The following BCAS3 variants were observed in gnomAD, a reference collection of about 807,000 sequenced individuals.
BCAS3 encodes the protein BCAS3 microtubule associated cell migration factor, also known as BCAS4/BCAS3 fusion.
A neutral mutation model predicts 116.1 loss-of-function variants in BCAS3; 53 were observed. The observed-to-expected ratio is 0.46, with a 90% confidence interval of 0.37 to 0.57. The LOEUF is 0.57. BCAS3 is among the 20% of genes least tolerant of loss of function. BCAS3 has a pLI of 0.00. For missense variants in BCAS3, 917 were observed against 1,165.4 expected (o/e 0.79, Z 3.10); for synonymous variants, 391 against 408.2 (o/e 0.96, Z 0.51).
At chr17:60,921,634 A>C (rs1251117168) in intron 12 of BCAS3, among the ~76,000 whole-genome samples, 1 of 151,180 alleles carries the variant, frequency 6.6e-6, no homozygotes, top group Non-Finnish European at 1.5e-5. Context: ...AAAAAAAAAA[A>C]AACATTGACC....
Position 61,364,896 on chromosome 17 carries a change from C to A in BCAS3, c.2426-3431C>A, listed in dbSNP as rs952233283. Among the ~76,000 whole-genome samples, 1 of 152,154 alleles carries A rather than the reference C, an allele frequency of 6.6e-6. No individual in the cohort carries two copies. Among genetic ancestry groups the A allele is most frequent in the Non-Finnish European group, 1.5e-5 (1 of 68,034 alleles). On this transcript the variant is annotated intron_variant, in intron 22 of 23. Transcript: ENST00000407086. This position sits in a 1 kb window ranked among gnomAD's most constrained non-coding sequence, Gnocchi z 5.4. Reference sequence around the variant, plus strand: ...CACCACCATAAATGGGGGATAGTACCTCTACGACCTCTCAGGATCATTATG... The same window carrying A: ...CACCACCATAAATGGGGGATAGTACATCTACGACCTCTCAGGATCATTATG...
At chr17:60,963,995 A>G (rs2145318110) in intron 14 of BCAS3, among the ~76,000 whole-genome samples, 1 of 152,256 alleles carries the variant, frequency 6.6e-6, no homozygotes, top group Non-Finnish European at 1.5e-5. Context: ...GCTGATTTGA[A>G]TTCTTCCTTT....
chr17:61,005,409 T>C (rs2064599892), intron 15 of BCAS3, among the ~76,000 whole-genome samples: 1 of 152,134 alleles, frequency 6.6e-6, no homozygotes, highest in Non-Finnish European at 1.5e-5. Flanking sequence ...GATATTTAAA[T>C]GTTTTAAAAC....
intron 22 of BCAS3, among the ~76,000 whole-genome samples, chr17:61,112,732 C>A (rs1268876464): frequency 6.7e-6 from 1 of 150,002 alleles, no homozygotes; most frequent in Non-Finnish European, 1.5e-5. Flanking sequence ...CTGCACCAAG[C>A]GGACCTAATA....
chr17:60,692,949 TA>T (rs1416831904), intron 4 of BCAS3, among the ~76,000 whole-genome samples: 3 of 151,882 alleles, frequency 2.0e-5, no homozygotes, highest in African/African-American at 7.3e-5. Flanking sequence ...ACTAAGTTGT[TA>T]TCTGACCTTA....
At chr17:60,979,496 T>C (rs9909801) in intron 14 of BCAS3, among the ~76,000 whole-genome samples, 140,498 of 144,552 alleles carry the variant, frequency 0.97, 68,300 homozygotes, top group East Asian at 1. Flanking sequence ...TTTCCTTCTC[T>C]TGCCTAATTG....
At chr17:60,896,836 T>C (rs950330998) in intron 10 of BCAS3, among the ~76,000 whole-genome samples, 1 of 152,214 alleles carries the variant, frequency 6.6e-6, no homozygotes, top group African/African-American at 2.4e-5. Context: ...AAAGTCATTA[T>C]TAATATGTGA....
At chr17:60,972,513 A>G (rs1442064700) in intron 14 of BCAS3, among the ~76,000 whole-genome samples, 1 of 148,146 alleles carries the variant, frequency 6.8e-6, no homozygotes, top group Non-Finnish European at 1.5e-5. Context: ...TAGTAGTGCA[A>G]TCATTGCTCA....
chr17:60,723,144 T>C (rs1462277571), intron 5 of BCAS3, among the ~76,000 whole-genome samples: 1 of 152,218 alleles, frequency 6.6e-6, no homozygotes, highest in Non-Finnish European at 1.5e-5. Flanking sequence ...GATTCACCAA[T>C]TACGGATTTT....
Position 60,962,392 on chromosome 17 carries a change from A to G in BCAS3, c.1221+15040A>G, listed in dbSNP as rs1290569352. ...AAGCCATTTTTACTAGGGTGAGATG[A>G]TATCTTGTTGTGGTTTTGATTTGTG... On this transcript the variant is annotated intron_variant, in intron 14 of 23. Transcript: ENST00000407086. The surrounding 1 kb of genome is among the most constrained non-coding windows in gnomAD (Gnocchi z 4.4). 1.3e-5 allele frequency among the ~76,000 whole-genome samples: 2 copies of G among 151,876 alleles called. No individual in the cohort carries two copies. The highest frequency in any genetic ancestry group is 2.9e-5 in the Non-Finnish European group (2 of 67,976).
chr17:61,251,579 AAAAAAG>A lies in BCAS3; in HGVS notation c.2426-116743_2426-116738del, dbSNP rs937052437. On this transcript the variant is annotated intron_variant, in intron 22 of 23. Transcript: ENST00000407086. The surrounding 1 kb of genome is among the most constrained non-coding windows in gnomAD (Gnocchi z 4.7). Reference sequence around the variant, plus strand: ...GAGCGAAACTCCACCTCAAAAAAAAAAAAAAGAAAAGAAAGACTGGATCCTGGTCCA... The same window carrying A: ...GAGCGAAACTCCACCTCAAAAAAAAAAAAAGAAAGACTGGATCCTGGTCCA... Among the ~76,000 whole-genome samples, 4 of 152,106 alleles carry A rather than the reference AAAAAAG, an allele frequency of 2.6e-5. No homozygotes were observed. The highest frequency in any genetic ancestry group is 9.7e-5 in the African/African-American group (4 of 41,430).
At chr17:60,697,156 C>T (rs1306671483) in intron 4 of BCAS3, among the ~76,000 whole-genome samples, 1 of 152,054 alleles carries the variant, frequency 6.6e-6, no homozygotes, top group African/African-American at 2.4e-5. Flanking sequence ...TGTCACTGCG[C>T]TTCAGACTGG....
intron 14 of BCAS3, among the ~76,000 whole-genome samples, chr17:60,978,037 A>G (rs1301433657): frequency 1.5e-5 from 2 of 135,656 alleles, no homozygotes; most frequent in African/African-American, 7.2e-5. Context: ...TGGCTGGGTC[A>G]AATGGTATTT....
rs183519642 is a variant in BCAS3, at chr17:61,038,762, G to A, written c.1928+708G>A. Among the ~76,000 whole-genome samples, 276 of 142,526 alleles carry A rather than the reference G, an allele frequency of 1.9e-3. 1 individual carries two copies. The highest frequency in any genetic ancestry group is 6.2e-3 in the African/African-American group (245 of 39,708). 93.5% of individuals were successfully genotyped at this position (142,526 alleles called of 152,430 possible). ...CAGCTCACTGCAGCCTCCACCTCCC[G>A]TGTTCAAGCGGTTCTCCTGCCTCAG... On this transcript the variant is annotated intron_variant, in intron 18 of 23. Transcript: ENST00000407086.
Position 61,084,155 on chromosome 17 carries a change from G to A in BCAS3, c.2328-312G>A, listed in dbSNP as rs1035476868. ...AAAGGTTTCAGTATAAACATTTTCAGTGTTTAATTTCCTCTCCCATTCTAC... is the reference window on the plus strand; with the variant it reads ...AAAGGTTTCAGTATAAACATTTTCAATGTTTAATTTCCTCTCCCATTCTAC... On this transcript the variant is annotated intron_variant, in intron 21 of 23. Coordinates refer to ENST00000407086, the MANE Select transcript of BCAS3 (RefSeq NM_017679.5). The surrounding 1 kb of genome is among the most constrained non-coding windows in gnomAD (Gnocchi z 5.5). Among the ~76,000 whole-genome samples the A allele has an allele frequency of 3.9e-5, 6 of 152,140 alleles. No homozygotes were observed. Among genetic ancestry groups the A allele is most frequent in the Non-Finnish European group, 8.8e-5 (6 of 68,018 alleles).
At chr17:60,952,382 C>T (rs931255644) in intron 14 of BCAS3, among the ~76,000 whole-genome samples, 2 of 151,604 alleles carry the variant, frequency 1.3e-5, no homozygotes, top group African/African-American at 2.4e-5. Flanking sequence ...TGCAGTGTCT[C>T]GATCTTGGCT....
In BCAS3 at chr17:61,255,402, T is replaced by C. The variant is rs1012951400; in HGVS notation, c.2426-112925T>C. 9.2e-5 allele frequency among the ~76,000 whole-genome samples: 14 copies of C among 152,232 alleles called. 1 individual carries two copies. The highest frequency in any genetic ancestry group is 7.9e-4 in the Admixed American group (12 of 15,284). On this transcript the variant is annotated intron_variant, in intron 22 of 23. Coordinates refer to ENST00000407086, the MANE Select transcript of BCAS3 (RefSeq NM_017679.5). ...GATCTCCAGAATATACCTTCTTTAG[T>C]TTCCACATCACACTTTCCTACATTT...
intron 14 of BCAS3, among the ~76,000 whole-genome samples, chr17:60,953,051 T>G (rs2060928670): frequency 6.6e-6 from 1 of 151,866 alleles, no homozygotes; most frequent in South Asian, 2.1e-4. Flanking sequence ...GTCTTTGCTA[T>G]TAGGAATTGC....
intron 22 of BCAS3, among the ~76,000 whole-genome samples, chr17:61,173,984 T>C (rs2079001445): frequency 6.6e-6 from 1 of 152,116 alleles, no homozygotes; most frequent in Non-Finnish European, 1.5e-5. Context: ...AATACTATAA[T>C]CCATTTTTAA....
Sources: allele counts gnomAD v4.1 joint callset (sites outside exome capture counted in the v4.1 genomes callset), GRCh38; gene constraint gnomAD v4.1.1; non-coding constraint Gnocchi (gnomAD v3.1); transcripts MANE v1.5; gene names NCBI Gene and HGNC (gene_info 2026-07-23, HGNC 2026-07-21).